ANKRD36C: variants seen among roughly 807,000 people sequenced by gnomAD.
ANKRD36C encodes the protein ankyrin repeat domain-containing protein 36C.
A neutral mutation model predicts 276.4 loss-of-function variants in ANKRD36C; 61 were observed. That is an observed-to-expected ratio of 0.22 (90% CI 0.18 to 0.27). The LOEUF (loss-of-function observed/expected upper bound fraction) is 0.27. Ranked by LOEUF, ANKRD36C falls within the 10% of genes least tolerant of loss-of-function variation. The probability of loss-of-function intolerance (pLI) is 1.00; values close to 1 mark genes in which losing one functional copy is unlikely to be tolerated. For synonymous variants in ANKRD36C, 483 were observed against 680.1 expected (o/e 0.71, Z 4.51); for missense variants, 1,447 against 2,032.3 (o/e 0.71, Z 5.54).
At chr2:95,917,773 G>T (rs568264324) in intron 36 of ANKRD36C, 82 bp downstream of exon 38, 52 of 1,502,444 alleles carry the variant, frequency 3.5e-5, no homozygotes, top group Non-Finnish European at 4.1e-5. Flanking sequence ...ACCCCCAACC[G>T]CCCTCCGCTG....
chr2:95,935,983 G>A (rs1457708181), intron 22 of ANKRD36C, among the ~76,000 whole-genome samples: 1 of 152,316 alleles, frequency 6.6e-6, no homozygotes, highest in Non-Finnish European at 1.5e-5. Flanking sequence ...ATTCACTTCT[G>A]CTTGCAGGAT....
At chr2:95,855,916 T>G in exon 63 of ANKRD36C, 2 of 1,613,732 alleles carry the variant, frequency 1.2e-6, no homozygotes, top group Non-Finnish European at 1.7e-6. Flanking sequence ...TTCTCCAGTT[T>G]AGAACGGAGC....
intron 44 of ANKRD36C, among the ~76,000 whole-genome samples, chr2:95,895,917 C>T (rs568740522): frequency 2.7e-5 from 4 of 150,794 alleles, no homozygotes; most frequent in South Asian, 4.2e-4. Flanking sequence ...AACTCATACA[C>T]GTGAGAATCA....
chr2:95,861,231 G>A (rs1490218768), intron 60 of ANKRD36C, among the ~76,000 whole-genome samples: 86 of 151,696 alleles, frequency 5.7e-4, no homozygotes, highest in Non-Finnish European at 6.6e-4. Flanking sequence ...TTGTAGAGAC[G>A]CAAATTACAT....
chr2:95,927,183 A>C (rs1316446589), intron 28 of ANKRD36C, 31 bp downstream of exon 28: 17 of 1,607,672 alleles, frequency 1.1e-5, no homozygotes, highest in Non-Finnish European at 1.3e-5. Context: ...TCTTGACTGA[A>C]CATGACATTA....
chr2:95,896,400 A>G (rs890444523), intron 44 of ANKRD36C, among the ~76,000 whole-genome samples: 10 of 148,928 alleles, frequency 6.7e-5, no homozygotes, highest in Admixed American at 6.7e-4. Context: ...TGACCATTTT[A>G]GGAGTTAGTT....
At chr2:95,962,664 A>G (rs1381153650) in intron 6 of ANKRD36C, 117 bp from the exon 7 acceptor site, 29 of 1,308,114 alleles carry the variant, frequency 2.2e-5, no homozygotes, top group Non-Finnish European at 2.9e-5. Context: ...TTAGGTTTTT[A>G]TGTTTTATAC....
At chr2:95,923,457 G>A in intron 32 of ANKRD36C, 38 bp downstream of exon 32, 1 of 1,602,008 alleles carries the variant, frequency 6.2e-7, no homozygotes, top group Non-Finnish European at 8.5e-7. Flanking sequence ...TTTTCTATCT[G>A]GACTGAACAT....
chr2:95,987,770 C>A (rs1269495398), intron 1 of ANKRD36C, among the ~76,000 whole-genome samples: 1 of 152,028 alleles, frequency 6.6e-6, no homozygotes, highest in East Asian at 1.9e-4. Flanking sequence ...TACAGGCGCC[C>A]GCTACCGCGC....
At chr2:95,890,866 T>C (rs1407735255) in intron 46 of ANKRD36C, among the ~76,000 whole-genome samples, 1 of 151,538 alleles carries the variant, frequency 6.6e-6, no homozygotes, top group African/African-American at 2.4e-5. Context: ...CATGTTATTC[T>C]TTAAAGAAGT....
intron 42 of ANKRD36C, among the ~76,000 whole-genome samples, chr2:95,911,389 G>C (rs1676919233): frequency 1.3e-5 from 2 of 151,416 alleles, no homozygotes; most frequent in South Asian, 2.1e-4. Context: ...GACTTAATTA[G>C]AATGCAACAT....
chr2:95,893,577 A>G (rs1676440923), intron 44 of ANKRD36C: 1 of 1,567,804 alleles, frequency 6.4e-7, no homozygotes, highest in Non-Finnish European at 8.7e-7. Flanking sequence ...GGCTATATTC[A>G]AAACAGAATC....
chr2:95,963,520 T>C (rs13008548), intron 6 of ANKRD36C, among the ~76,000 whole-genome samples: 21 of 141,022 alleles, frequency 1.5e-4, no homozygotes, highest in Middle Eastern at 3.5e-3. Flanking sequence ...TTTATTTCAT[T>C]TGAATAACTA....
rs1553405639 is a variant in ANKRD36C, at chr2:95,931,849, T to TAC, written c.1736-2584_1736-2583dup. 1.5e-3 allele frequency among the ~76,000 whole-genome samples: 162 copies of TAC among 111,670 alleles called. 10 individuals are homozygous for TAC. Among genetic ancestry groups the TAC allele is most frequent in the South Asian group, 0.01 (39 of 3,794 alleles). 73.3% of individuals were successfully genotyped at this position (111,670 alleles called of 152,430 possible). ...CAGAAGAGAAAAAAATACACACACA[T>TAC]ACACACACACACACACACATTCACA... On this transcript the variant is annotated intron_variant, in intron 24 of 66. Transcript: ENST00000456556.
intron 17 of ANKRD36C, among the ~76,000 whole-genome samples, chr2:95,946,479 C>T (rs1461307754): frequency 7.0e-6 from 1 of 142,788 alleles, no homozygotes; most frequent in African/African-American, 2.6e-5. Flanking sequence ...ACTAGTTCAA[C>T]CATTGTGGAA....
At chr2:95,949,428 C>A (rs1678138305) in intron 16 of ANKRD36C, among the ~76,000 whole-genome samples, 1 of 150,062 alleles carries the variant, frequency 6.7e-6, no homozygotes, top group African/African-American at 2.5e-5. Context: ...TAAATATCTT[C>A]CTTCCTATGG....
chr2:95,942,286 A>G (rs1426689257), intron 19 of ANKRD36C, among the ~76,000 whole-genome samples: 5 of 152,288 alleles, frequency 3.3e-5, no homozygotes, highest in Non-Finnish European at 5.9e-5. Flanking sequence ...AAAATATGGG[A>G]TTCAAAATTT....
intron 42 of ANKRD36C, among the ~76,000 whole-genome samples, chr2:95,903,650 T>C (rs1201987123): frequency 6.8e-4 from 102 of 149,794 alleles, no homozygotes; most frequent in Middle Eastern, 3.4e-3. Context: ...ATAATATTCA[T>C]TATCTCTCTC....
At chr2:95,923,533 A>G (rs1046858495) in exon 32 of ANKRD36C, 15 of 1,610,886 alleles carry the variant, frequency 9.3e-6, no homozygotes, top group Non-Finnish European at 1.3e-5. Context: ...TTCTGTAGCT[A>G]TATTCAAAGC....
Sources: gnomAD v4.1 joint callset for allele counts (sites outside exome capture counted in the v4.1 genomes callset) on GRCh38, gnomAD v4.1.1 for gene constraint, MANE v1.5 for transcripts, NCBI Gene and HGNC (gene_info 2026-07-23, HGNC 2026-07-21) for gene names.